Variants in PRKN observed in about 807,000 individuals in gnomAD.
PRKN encodes parkin RBR E3 ubiquitin protein ligase.
In PRKN, 56 loss-of-function variants were observed where a neutral mutation model predicts 59.5. That is an observed-to-expected ratio of 0.94 (90% CI 0.76 to 1.18). PRKN has a LOEUF of 1.18. Among genes scored for constraint, PRKN ranks in the 50% most tolerant of loss-of-function variants. The pLI, the probability that PRKN is intolerant of heterozygous loss-of-function variation, is 0.00. For synonymous variants in PRKN, 250 were observed against 222.1 expected, an observed-to-expected ratio of 1.13 and a Z score of -1.12; for missense variants, 657 against 596.4, an observed-to-expected ratio of 1.10 and a Z score of -1.06.
chr6:162,224,846 T>G (rs914770178), intron 3 of PRKN, among the ~76,000 whole-genome samples: 20 of 152,260 alleles, frequency 1.3e-4, no homozygotes, highest in African/African-American at 4.3e-4. Flanking sequence ...TGAGCTGCTA[T>G]AAGAGTTTTA....
At chr6:162,418,746 G>A (rs146607284) in intron 2 of PRKN, among the ~76,000 whole-genome samples, 2 of 151,514 alleles carry the variant, frequency 1.3e-5, no homozygotes, top group African/African-American at 4.8e-5. Context: ...CACGGTTCCT[G>A]CACACTCATG....
chr6:162,140,692 G>A (rs377576937), intron 4 of PRKN, among the ~76,000 whole-genome samples: 2 of 148,434 alleles, frequency 1.3e-5, no homozygotes, highest in African/African-American at 5.1e-5. Flanking sequence ...CAAAAGGAGC[G>A]CCCTCACCAG....
chr6:161,849,542 T>A (rs1793339281), intron 6 of PRKN, among the ~76,000 whole-genome samples: 1 of 152,142 alleles, frequency 6.6e-6, no homozygotes, highest in Non-Finnish European at 1.5e-5. Flanking sequence ...TGCCCCCACC[T>A]TCCTCACACT....
At chr6:162,552,252 G>A (rs1441947312) in intron 1 of PRKN, among the ~76,000 whole-genome samples, 1 of 152,202 alleles carries the variant, frequency 6.6e-6, no homozygotes, top group Non-Finnish European at 1.5e-5. Context: ...TACTGGCCAG[G>A]AGAGTGACTT....
intron 5 of PRKN, among the ~76,000 whole-genome samples, chr6:162,048,758 A>G (rs1022053084): frequency 2.0e-5 from 3 of 151,930 alleles, no homozygotes; most frequent in Non-Finnish European, 4.4e-5. Context: ...AGAGTTTACA[A>G]ATTTGTGTTG....
Position 161,549,583 on chromosome 6 carries a change from C to T in PRKN, c.934-580G>A, listed in dbSNP as rs1336825199. Among the ~76,000 whole-genome samples, 2 of 152,094 alleles carry T rather than the reference C, an allele frequency of 1.3e-5. No homozygotes were observed. The highest frequency in any genetic ancestry group is 4.8e-5 in the African/African-American group (2 of 41,400). ...TTTATCATTATTCTTATTCTTAAAGCATGATTTCTTGTGTCCCTGATGTCA... is the reference window on the plus strand; with the variant it reads ...TTTATCATTATTCTTATTCTTAAAGTATGATTTCTTGTGTCCCTGATGTCA... On this transcript the variant is annotated intron_variant, in intron 8 of 11. Coordinates refer to ENST00000366898, the MANE Select transcript of PRKN (RefSeq NM_004562.3). This position sits in a 1 kb window ranked among gnomAD's most constrained non-coding sequence, Gnocchi z 6.0.
At chr6:162,713,233 G>A (rs1480733007) in intron 1 of PRKN, among the ~76,000 whole-genome samples, 3 of 152,146 alleles carry the variant, frequency 2.0e-5, no homozygotes, top group Admixed American at 1.3e-4. Flanking sequence ...CCAGGCTCAC[G>A]CCTGTAATCC....
At chr6:162,652,019 TG>T (rs1461522580) in intron 1 of PRKN, among the ~76,000 whole-genome samples, 1 of 152,204 alleles carries the variant, frequency 6.6e-6, no homozygotes, top group East Asian at 1.9e-4. Flanking sequence ...ACTGACATTT[TG>T]GGTCAGACAG....
At chr6:162,321,634 C>T (rs1186499550) in intron 2 of PRKN, among the ~76,000 whole-genome samples, 1 of 151,832 alleles carries the variant, frequency 6.6e-6, no homozygotes, top group Non-Finnish European at 1.5e-5. Flanking sequence ...AAATAGAATT[C>T]AACAATATGT....
chr6:162,046,801 A>C (rs1409035380), intron 5 of PRKN, among the ~76,000 whole-genome samples: 1 of 152,070 alleles, frequency 6.6e-6, no homozygotes, highest in African/African-American at 2.4e-5. Context: ...TTTCCATGGG[A>C]AACTAATGCG....
At chr6:161,774,249 C>G (rs1789816384) in intron 7 of PRKN, among the ~76,000 whole-genome samples, 1 of 152,044 alleles carries the variant, frequency 6.6e-6, no homozygotes, top group African/African-American at 2.4e-5. Flanking sequence ...GCTGAGAAGC[C>G]ATTCAATAAA....
chr6:161,962,969 AC>A (rs1196871556), intron 6 of PRKN, among the ~76,000 whole-genome samples: 1 of 151,880 alleles, frequency 6.6e-6, no homozygotes, highest in Admixed American at 6.5e-5. Context: ...ACATGGCGAA[AC>A]CCCGTCTCTA....
chr6:161,516,886 T>C (rs1172476006), intron 9 of PRKN, among the ~76,000 whole-genome samples: 1 of 144,218 alleles, frequency 6.9e-6, no homozygotes, highest in African/African-American at 2.6e-5. Flanking sequence ...GACTCTTAAA[T>C]AAGCCACCAT....
chr6:161,912,059 T>A (rs1439436792), intron 6 of PRKN, among the ~76,000 whole-genome samples: 2 of 151,370 alleles, frequency 1.3e-5, no homozygotes, highest in Non-Finnish European at 2.9e-5. Flanking sequence ...GCACCTGTAA[T>A]CCCAACTACT....
intron 4 of PRKN, among the ~76,000 whole-genome samples, chr6:162,174,951 G>T (rs539297690): frequency 6.6e-6 from 1 of 152,194 alleles, no homozygotes; most frequent in African/African-American, 2.4e-5. Context: ...GAAATTCTGA[G>T]AGTTTTTAGA....
chr6:162,495,078 T>C (rs1021768618), intron 1 of PRKN, among the ~76,000 whole-genome samples: 1 of 152,204 alleles, frequency 6.6e-6, no homozygotes, highest in African/African-American at 2.4e-5. Context: ...TAAAAGACAG[T>C]TAATCGAGAG....
intron 9 of PRKN, among the ~76,000 whole-genome samples, chr6:161,532,801 G>T (rs1434686533): frequency 3.3e-5 from 5 of 152,046 alleles, no homozygotes; most frequent in Non-Finnish European, 7.4e-5. Context: ...AGTCAAGAAG[G>T]GTGGCTGTCA....
At chr6:161,711,245 A>C (rs1000997414) in intron 7 of PRKN, among the ~76,000 whole-genome samples, 1 of 152,204 alleles carries the variant, frequency 6.6e-6, no homozygotes, top group Non-Finnish European at 1.5e-5. Context: ...TACTGTTAGA[A>C]TGGAAGAAAG....
At chr6:161,914,363 C>T (rs1459129912) in intron 6 of PRKN, among the ~76,000 whole-genome samples, 1 of 152,084 alleles carries the variant, frequency 6.6e-6, no homozygotes, top group African/African-American at 2.4e-5. Context: ...GTATATTACA[C>T]ACTTGTAGGC....
Sources: allele counts gnomAD v4.1 joint callset (sites outside exome capture counted in the v4.1 genomes callset), GRCh38; gene constraint gnomAD v4.1.1; non-coding constraint Gnocchi (gnomAD v3.1); transcripts MANE v1.5; gene names NCBI Gene and HGNC (gene_info 2026-07-23, HGNC 2026-07-21).